CLNK: variants seen among roughly 807,000 people sequenced by gnomAD.
CLNK encodes the protein cytokine-dependent hematopoietic cell linker.
In CLNK, 74 loss-of-function variants were observed where a neutral mutation model predicts 68.6. That is an observed-to-expected ratio of 1.08 (90% CI 0.89 to 1.31). The LOEUF is 1.31. Ranked by LOEUF, CLNK falls within the 50% of genes most tolerant of loss-of-function variation. The pLI, the probability that CLNK is intolerant of heterozygous loss-of-function variation, is 0.00. For missense variants in CLNK, 553 were observed against 515.3 expected (o/e 1.07, Z -0.71); for synonymous variants, 198 against 172.2 (o/e 1.15, Z -1.17).
intron 10 of CLNK, among the ~76,000 whole-genome samples, chr4:10,541,681 G>A (rs1049117728): frequency 6.6e-6 from 1 of 151,912 alleles, no homozygotes; most frequent in Non-Finnish European, 1.5e-5. Flanking sequence ...ATCTAAGCCT[G>A]CCAGAAGTAT....
intron 2 of CLNK, among the ~76,000 whole-genome samples, chr4:10,610,801 CA>C (rs2108853871): frequency 6.6e-6 from 1 of 151,260 alleles, no homozygotes; most frequent in Non-Finnish European, 1.5e-5. Flanking sequence ...CACACACACA[CA>C]CACACACACA....
rs772254957 is a variant in CLNK, at chr4:10,487,670, A to T, written c.*2797T>A. On this transcript the variant is annotated 3_prime_UTR_variant, in exon 19 of 19. Transcript: ENST00000226951. Reference sequence around the variant, plus strand: ...TTTCCCAGGATAGCCCCAGACAATGACTTAACAGGATGGGGCACTAAGACC... The same window carrying T: ...TTTCCCAGGATAGCCCCAGACAATGTCTTAACAGGATGGGGCACTAAGACC... 1 of 151,786 alleles carries T rather than the reference A, an allele frequency of 6.6e-6. No homozygotes were observed. The highest frequency in any genetic ancestry group is 2.4e-5 in the African/African-American group (1 of 41,254). 9.4% of individuals were successfully genotyped at this position (151,786 alleles called of 1,614,324 possible).
At chr4:10,580,408 A>C (rs1462634493) in intron 4 of CLNK, among the ~76,000 whole-genome samples, 2 of 152,230 alleles carry the variant, frequency 1.3e-5, no homozygotes, top group Non-Finnish European at 2.9e-5. Flanking sequence ...ACTGATTAGA[A>C]AAAGTTAACT....
chr4:10,727,795 A>C, the CLNK span, among the ~76,000 whole-genome samples: 65,538 of 152,080 alleles, frequency 0.43, 14,914 homozygotes, highest in East Asian at 0.69. Context: ...AGAGAGAAGA[A>C]ATAAACTAGA....
chr4:10,635,860 A>G (rs1016098512), intron 2 of CLNK: 3 of 152,226 alleles, frequency 2.0e-5, no homozygotes, highest in Admixed American at 6.5e-5. Flanking sequence ...TCTTTCTTCT[A>G]GACTACGCTC....
intron 18 of CLNK, 38 bp from the exon 19 acceptor site, chr4:10,490,651 A>T (rs1716530890): frequency 6.6e-7 from 1 of 1,522,882 alleles, no homozygotes; most frequent in African/African-American, 1.4e-5. Flanking sequence ...CTTTTAAAAT[A>T]TCTTTTGTGT....
chr4:10,660,896 A>T (rs893213811), intron 2 of CLNK, among the ~76,000 whole-genome samples: 1 of 152,170 alleles, frequency 6.6e-6, no homozygotes, highest in Non-Finnish European at 1.5e-5. Context: ...GCAGCTTTTT[A>T]ATTACTAGCC....
chr4:10,728,278 G>A, the CLNK span, among the ~76,000 whole-genome samples: 71 of 152,216 alleles, frequency 4.7e-4, no homozygotes, highest in East Asian at 0.013. Flanking sequence ...AACAATATTT[G>A]CCAAACGTTT....
chr4:10,683,126 TA>T (rs1725152972), intron 1 of CLNK, among the ~76,000 whole-genome samples: 1 of 152,078 alleles, frequency 6.6e-6, no homozygotes, highest in Admixed American at 6.6e-5. Flanking sequence ...CTTACTTTAT[TA>T]AAAAGGGGGA....
chr4:10,723,441 G>T, the CLNK span, among the ~76,000 whole-genome samples: 1 of 152,104 alleles, frequency 6.6e-6, no homozygotes, highest in Admixed American at 6.5e-5. Flanking sequence ...GAACTTGTGG[G>T]TCTCTCTGAA....
In CLNK at chr4:10,668,207, C is replaced by G. The variant is rs139773909; in HGVS notation, c.-42-296G>C. Among the ~76,000 whole-genome samples, 38 of 152,318 alleles carry G rather than the reference C, an allele frequency of 2.5e-4. 1 individual carries two copies. In the East Asian group the frequency reaches 7.3e-3, roughly 29 times the overall value. The stretch of plus-strand genomic sequence containing the variant: ...CCTGGCGTGCAATTGTGTGCTTCCC[C>G]TGGGCACCGAGGGCACGTTAGCCAG... On this transcript the variant is annotated intron_variant, in intron 1 of 18. Coordinates refer to ENST00000226951, the MANE Select transcript of CLNK (RefSeq NM_052964.4).
At chr4:10,557,868 G>A (rs1046037545) in intron 8 of CLNK, among the ~76,000 whole-genome samples, 1 of 152,168 alleles carries the variant, frequency 6.6e-6, no homozygotes, top group Non-Finnish European at 1.5e-5. Flanking sequence ...ATAGGGGCAC[G>A]GGGGAAAATG....
the CLNK span, among the ~76,000 whole-genome samples, chr4:10,696,580 C>T: frequency 6.6e-6 from 1 of 152,184 alleles, no homozygotes; most frequent in African/African-American, 2.4e-5. Context: ...AGAGAAACTC[C>T]TCAGGACACA....
intron 2 of CLNK, among the ~76,000 whole-genome samples, chr4:10,657,177 G>A (rs1057428032): frequency 2.0e-5 from 3 of 152,152 alleles, no homozygotes; most frequent in Non-Finnish European, 2.9e-5. Context: ...TCGGCAGTCT[G>A]GGTGCAAGAT....
At chr4:10,516,703 C>T (rs908346309) in intron 15 of CLNK, among the ~76,000 whole-genome samples, 1 of 152,186 alleles carries the variant, frequency 6.6e-6, no homozygotes, top group Non-Finnish European at 1.5e-5. Flanking sequence ...CAGGCGCCCG[C>T]CACCATGCCC....
chr4:10,609,696 C>A (rs1721934647), intron 2 of CLNK, among the ~76,000 whole-genome samples: 1 of 152,218 alleles, frequency 6.6e-6, no homozygotes, highest in Non-Finnish European at 1.5e-5. Context: ...CTAGAATAGA[C>A]CAGCACTGCC....
At chr4:10,527,399 A>G (rs6812714) in intron 13 of CLNK, among the ~76,000 whole-genome samples, 151,026 of 152,332 alleles carry the variant, frequency 0.99, 74,883 homozygotes, top group East Asian at 1. Flanking sequence ...CAAATGAAAT[A>G]CAACTTGACC....
chr4:10,680,462 A>G (rs1725054869), intron 1 of CLNK, among the ~76,000 whole-genome samples: 1 of 152,052 alleles, frequency 6.6e-6, no homozygotes, highest in African/African-American at 2.4e-5. Context: ...TCACATGTAT[A>G]CATATGTAAC....
At chr4:10,592,612 A>C (rs529004740) in intron 3 of CLNK, among the ~76,000 whole-genome samples, 4 of 151,962 alleles carry the variant, frequency 2.6e-5, no homozygotes, top group South Asian at 4.2e-4. Flanking sequence ...GGTTATCCAC[A>C]ACATAAGAAC....
Sources: allele counts gnomAD v4.1 joint callset (sites outside exome capture counted in the v4.1 genomes callset), GRCh38; gene constraint gnomAD v4.1.1; transcripts MANE v1.5; gene names NCBI Gene and HGNC (gene_info 2026-07-23, HGNC 2026-07-21).